Variants in ARHGAP21 observed in about 807,000 individuals in gnomAD.
ARHGAP21 encodes Rho GTPase activating protein 21.
ARHGAP21 carries 38 observed loss-of-function variants against 164.6 expected under a neutral mutation model. That is an observed-to-expected ratio of 0.23 (90% CI 0.18 to 0.30). The LOEUF is 0.30. Among genes scored for constraint, ARHGAP21 ranks in the 10% least tolerant of loss-of-function variants. The pLI, the probability that ARHGAP21 is intolerant of heterozygous loss-of-function variation, is 1.00. For missense variants in ARHGAP21, 1,822 were observed against 2,370.7 expected (o/e 0.77, Z 4.81); for synonymous variants, 766 against 857.9 (o/e 0.89, Z 1.87).
intron 4 of ARHGAP21, among the ~76,000 whole-genome samples, chr10:24,637,747 A>C (rs1466751418): frequency 6.6e-6 from 1 of 152,242 alleles, no homozygotes; most frequent in East Asian, 1.9e-4. Flanking sequence ...TGCCACTGAC[A>C]AATCTTTCAA....
At chr10:24,627,706 A>T (rs1835281384) in intron 7 of ARHGAP21, among the ~76,000 whole-genome samples, 1 of 152,226 alleles carries the variant, frequency 6.6e-6, no homozygotes, top group Non-Finnish European at 1.5e-5. Flanking sequence ...ATTTAACAAG[A>T]CAGACTATTC....
At chr10:24,637,866 A>ATT (rs11358986) in intron 4 of ARHGAP21, among the ~76,000 whole-genome samples, 9 of 139,764 alleles carry the variant, frequency 6.4e-5, no homozygotes, top group Non-Finnish European at 6.3e-5. Context: ...TCTTGCTCAC[A>ATT]TTTTTTTTTT....
intron 4 of ARHGAP21, among the ~76,000 whole-genome samples, chr10:24,653,572 C>CAA (rs201414885): frequency 8.0e-6 from 1 of 125,380 alleles, no homozygotes; most frequent in African/African-American, 3.0e-5. Flanking sequence ...GACTCTGTCT[C>CAA]AAAAAAAAAA....
chr10:24,590,897 ATC>A, intron 24 of ARHGAP21: 1 of 981,940 alleles, frequency 1.0e-6, no homozygotes, highest in Middle Eastern at 5.2e-4. Flanking sequence ...AGTAGCATAT[ATC>A]TGTTTTACCT....
In ARHGAP21 at chr10:24,723,711, C is replaced by A. The variant is rs2132389712; in HGVS notation, c.-530G>T. The A allele has an allele frequency of 6.8e-6, 1 of 148,030 alleles. No individual in the cohort carries two copies. The highest frequency in any genetic ancestry group is 1.5e-5 in the Non-Finnish European group (1 of 66,920). 9.2% of individuals were successfully genotyped at this position (148,030 alleles called of 1,614,324 possible). On this transcript the variant is annotated 5_prime_UTR_variant, in exon 1 of 26. Coordinates refer to ENST00000396432, the MANE Select transcript of ARHGAP21 (RefSeq NM_020824.4). ...CCGCCGCCGCCGCCGCGCTCCGAGG[C>A]CGCCGCCCCCGGCCGGCCGCTCCCA...
rs1834513886 is a variant in ARHGAP21 at position 24,621,251 on chromosome 10, G to A, written c.644C>T (p.Ala215Val). ...AGGAGGAGATATTTCAACTGGCTGT[G>A]CCATGGCTGATGGGGCAGATGGCAG... ...PWLPSAPSAM[A>V]QPVEISPPDS... The change falls in exon 9 of 26, where the codon GCA becomes GTA. Residue 215 changes from alanine (A) to valine (V), a missense_variant. Coordinates refer to ENST00000396432, the MANE Select transcript of ARHGAP21 (RefSeq NM_020824.4). 14 of 1,613,932 alleles carry A rather than the reference G, an allele frequency of 8.7e-6. No homozygotes were observed. Among genetic ancestry groups the A allele is most frequent in the Non-Finnish European group, 9.3e-6 (11 of 1,179,870 alleles).
chr10:24,607,492 G>GACTT lies in ARHGAP21; in HGVS notation c.2684+3_2684+6dup, dbSNP rs758686724. On this transcript the variant is annotated splice_region_variant and intron_variant, in intron 11 of 25. Transcript: ENST00000396432. Reference sequence around the variant, plus strand: ...CAAATATTTAAAATAATACACCCGAGACTTACAATTTTGCATCTTCTCTGT... The same window carrying GACTT: ...CAAATATTTAAAATAATACACCCGAGACTTACTTACAATTTTGCATCTTCTCTGT... 8.3e-5 allele frequency: 133 copies of GACTT among 1,609,144 alleles called. No individual in the cohort carries two copies. Among genetic ancestry groups the GACTT allele is most frequent in the Admixed American group, 3.0e-4 (18 of 59,968 alleles).
intron 9 of ARHGAP21, among the ~76,000 whole-genome samples, chr10:24,614,316 C>T (rs759198165): frequency 1.1e-3 from 167 of 152,076 alleles, no homozygotes; most frequent in Non-Finnish European, 1.8e-3. Context: ...CCTACAATTA[C>T]GAATCCACTA....
intron 2 of ARHGAP21, among the ~76,000 whole-genome samples, chr10:24,704,567 C>A (rs1338777305): frequency 6.6e-6 from 1 of 151,678 alleles, no homozygotes; most frequent in Non-Finnish European, 1.5e-5. Context: ...CAGGTTCAAG[C>A]GATTCTCATG....
At chr10:24,707,823 G>A (rs1844386186) in intron 2 of ARHGAP21, among the ~76,000 whole-genome samples, 1 of 151,934 alleles carries the variant, frequency 6.6e-6, no homozygotes, top group South Asian at 2.1e-4. Context: ...ACTTTCTCCT[G>A]GATTATCACA....
intron 4 of ARHGAP21, among the ~76,000 whole-genome samples, chr10:24,652,294 T>C (rs1015580869): frequency 1.3e-5 from 2 of 152,150 alleles, no homozygotes; most frequent in African/African-American, 4.8e-5. Context: ...AATATCTACA[T>C]AGGAAAAAAA....
chr10:24,632,825 A>T (rs1439337617), intron 6 of ARHGAP21, among the ~76,000 whole-genome samples: 1 of 152,112 alleles, frequency 6.6e-6, no homozygotes, highest in Non-Finnish European at 1.5e-5. Context: ...ATTTGGAAAA[A>T]TTTTCTAGTT....
chr10:24,596,687 A>T, intron 17 of ARHGAP21, 53 bp downstream of exon 17: 1 of 1,610,954 alleles, frequency 6.2e-7, no homozygotes, highest in Non-Finnish European at 8.5e-7. Flanking sequence ...ATCCCATTAT[A>T]ATCAAAACTG....
chr10:24,718,233 GA>G (rs938242693), intron 2 of ARHGAP21, among the ~76,000 whole-genome samples: 3 of 152,202 alleles, frequency 2.0e-5, no homozygotes, highest in Admixed American at 6.5e-5. Context: ...GCTACTCAGC[GA>G]AAGAAGGTGC....
intron 17 of ARHGAP21, 139 bp downstream of exon 17, chr10:24,596,601 C>T: frequency 8.6e-7 from 1 of 1,160,434 alleles, no homozygotes; most frequent in Non-Finnish European, 1.2e-6. Context: ...GTCAGAAATA[C>T]TTAGGGAAAC....
intron 9 of ARHGAP21, among the ~76,000 whole-genome samples, chr10:24,610,752 CAT>C (rs945655700): frequency 6.6e-6 from 1 of 152,072 alleles, no homozygotes; most frequent in Non-Finnish European, 1.5e-5. Flanking sequence ...AAAATTCATA[CAT>C]GTTACATAAT....
intron 8 of ARHGAP21, among the ~76,000 whole-genome samples, chr10:24,622,012 C>T (rs544073975): frequency 3.3e-5 from 5 of 152,020 alleles, no homozygotes; most frequent in Non-Finnish European, 7.4e-5. Flanking sequence ...GGTAACTCAT[C>T]GTTCTGTATA....
chr10:24,627,206 G>A (rs965962544), intron 7 of ARHGAP21, among the ~76,000 whole-genome samples: 2 of 152,090 alleles, frequency 1.3e-5, no homozygotes, highest in African/African-American at 2.4e-5. Flanking sequence ...ACCTACAAGT[G>A]TTTCCATGGG....
At chr10:24,678,115 AAGAG>A (rs1290268504) in intron 2 of ARHGAP21, among the ~76,000 whole-genome samples, 10 of 151,992 alleles carry the variant, frequency 6.6e-5, no homozygotes, top group African/African-American at 9.7e-5. Context: ...GGAAAAAAAA[AAGAG>A]AGAGAGAGGA....
Sources: allele counts gnomAD v4.1 joint callset (sites outside exome capture counted in the v4.1 genomes callset), GRCh38; gene constraint gnomAD v4.1.1; transcripts MANE v1.5; gene names NCBI Gene and HGNC (gene_info 2026-07-23, HGNC 2026-07-21).